CLEC16A: variants seen among roughly 807,000 people sequenced by gnomAD.
The protein encoded by CLEC16A is protein CLEC16A.
A neutral mutation model predicts 109.5 loss-of-function variants in CLEC16A; 51 were observed. That is an observed-to-expected ratio of 0.47 (90% CI 0.37 to 0.59). The LOEUF (loss-of-function observed/expected upper bound fraction) is 0.59, where lower values mean the gene tolerates loss of function less well. Ranked by LOEUF, CLEC16A falls within the 20% of genes least tolerant of loss-of-function variation. The pLI is 0.00. For missense variants in CLEC16A, 1,339 were observed against 1,394.0 expected, an observed-to-expected ratio of 0.96 and a Z score of 0.63; for synonymous variants, 673 against 564.2, an observed-to-expected ratio of 1.19 and a Z score of -2.73.
chr16:11,122,312 A>G (rs1236191721), intron 20 of CLEC16A, among the ~76,000 whole-genome samples: 29 of 152,240 alleles, frequency 1.9e-4, no homozygotes, highest in Admixed American at 1.8e-3. Context: ...TTCATTTAAA[A>G]GAAACACTCC....
At chr16:11,153,418 G>T (rs1405425706) in intron 22 of CLEC16A, among the ~76,000 whole-genome samples, 1 of 151,998 alleles carries the variant, frequency 6.6e-6, no homozygotes, top group Non-Finnish European at 1.5e-5. Flanking sequence ...GTCATGTCCA[G>T]AGTTGTCTTA....
Position 11,060,973 on chromosome 16 carries a change from G to T in CLEC16A, c.2067G>T (p.Pro689=). The change falls in exon 19 of 24, where the codon CCG becomes CCT. Residue 689 remains proline, a synonymous_variant. Coordinates refer to ENST00000409790, the MANE Select transcript of CLEC16A (RefSeq NM_015226.3). The stretch of plus-strand genomic sequence containing the variant: ...GAGGGGAGCCTGAGACACAGTTGCC[G>T]CTGACTCGGGAGGAGGACCTGATCA... ...QLRGEPETQL[P]LTREEDLIKT... 6.2e-7 allele frequency: 1 copy of T among 1,612,032 alleles called. No individual in the cohort carries two copies. The highest frequency in any genetic ancestry group is 8.5e-7 in the Non-Finnish European group (1 of 1,179,304).
intron 10 of CLEC16A, among the ~76,000 whole-genome samples, chr16:10,997,491 C>G (rs745820380): frequency 6.6e-6 from 1 of 152,186 alleles, no homozygotes; most frequent in Non-Finnish European, 1.5e-5. Context: ...CTTGCCTTTT[C>G]AAAGTTTTTT....
At chr16:10,958,247 G>C (rs1028479786) in intron 2 of CLEC16A, among the ~76,000 whole-genome samples, 8 of 152,298 alleles carry the variant, frequency 5.3e-5, no homozygotes, top group Admixed American at 2.0e-4. Flanking sequence ...CTGTGCCCTG[G>C]GGGAGTCCCT....
At chr16:11,035,856 C>T (rs1335422471) in intron 13 of CLEC16A, among the ~76,000 whole-genome samples, 1 of 152,110 alleles carries the variant, frequency 6.6e-6, no homozygotes, top group South Asian at 2.1e-4. Context: ...ATAAGGCCTC[C>T]TTCAAAACAC....
At chr16:10,956,647 T>C (rs1050728901) in intron 1 of CLEC16A, among the ~76,000 whole-genome samples, 1 of 152,160 alleles carries the variant, frequency 6.6e-6, no homozygotes, top group Non-Finnish European at 1.5e-5. Flanking sequence ...CCCGCGCTGC[T>C]CAGGACTGGC....
At chr16:11,088,015 C>CT (rs2050104328) in intron 19 of CLEC16A, among the ~76,000 whole-genome samples, 1 of 152,248 alleles carries the variant, frequency 6.6e-6, no homozygotes, top group African/African-American at 2.4e-5. Context: ...TTTCAGAGCT[C>CT]TTGCTACCTT....
At chr16:11,088,231 C>G (rs1397290836) in intron 19 of CLEC16A, among the ~76,000 whole-genome samples, 1 of 152,250 alleles carries the variant, frequency 6.6e-6, no homozygotes, top group African/African-American at 2.4e-5. Flanking sequence ...TCTGCAGCAG[C>G]TAACAACTTT....
chr16:11,181,284 G>C lies in CLEC16A; in HGVS notation c.*2594G>C, dbSNP rs2068949948. ...GGCCAGTCCAGACAGGACACGCTGG[G>C]CCCCTGGCATCCAGAGGAAGAGCCA... On this transcript the variant is annotated 3_prime_UTR_variant, in exon 24 of 24. Transcript: ENST00000409790. 6.6e-6 allele frequency: 1 copy of C among 152,274 alleles called. No homozygotes were observed. Among genetic ancestry groups the C allele is most frequent in the Non-Finnish European group, 1.5e-5 (1 of 68,136 alleles). 9.4% of individuals were successfully genotyped at this position (152,274 alleles called of 1,614,324 possible). A position where few individuals can be genotyped will look rare whatever the true frequency, so the allele number is the denominator to read the frequency against.
At chr16:10,986,731 ATGTGTGTG>A (rs59931468) in intron 10 of CLEC16A, among the ~76,000 whole-genome samples, 142 of 150,232 alleles carry the variant, frequency 9.5e-4, no homozygotes, top group South Asian at 7.3e-3. Context: ...TTAAGGCTCA[ATGTGTGTG>A]TGTGTGTGTG....
At chr16:11,095,979 C>G (rs2050589736) in intron 19 of CLEC16A, among the ~76,000 whole-genome samples, 1 of 152,166 alleles carries the variant, frequency 6.6e-6, no homozygotes. Flanking sequence ...TGCACACCAT[C>G]ACACCCAGCC....
intron 18 of CLEC16A, among the ~76,000 whole-genome samples, chr16:11,054,490 G>A (rs556039222): frequency 1.3e-5 from 2 of 152,306 alleles, no homozygotes; most frequent in South Asian, 4.1e-4. Context: ...CAACCCGAGT[G>A]GCTGGCTGAA....
chr16:11,100,983 A>G (rs2050882189), intron 19 of CLEC16A, among the ~76,000 whole-genome samples: 2 of 152,064 alleles, frequency 1.3e-5, no homozygotes, highest in African/African-American at 2.4e-5. Flanking sequence ...CCAGACCTTC[A>G]TTTTCAGCCC....
At chr16:11,015,661 T>C (rs902084905) in intron 11 of CLEC16A, among the ~76,000 whole-genome samples, 1 of 152,218 alleles carries the variant, frequency 6.6e-6, no homozygotes. Flanking sequence ...TTGGATGAGC[T>C]TGGTGCTGAA....
At chr16:10,972,808 A>T in intron 6 of CLEC16A, 130 bp from the exon 7 acceptor site, 1 of 1,005,088 alleles carries the variant, frequency 9.9e-7, no homozygotes, top group Non-Finnish European at 1.4e-6. Flanking sequence ...AAAGACAGAC[A>T]ATTTCAGATT....
chr16:11,120,782 G>A lies in CLEC16A; in HGVS notation c.2268+16G>A. 6.6e-7 allele frequency: 1 copy of A among 1,505,668 alleles called. No individual in the cohort carries two copies. Among genetic ancestry groups the A allele is most frequent in the Non-Finnish European group, 8.9e-7 (1 of 1,119,402 alleles). The allele number at this position is 1,505,668 out of a possible 1,614,324, so 93.3% of individuals were successfully genotyped here. A position where few individuals can be genotyped will look rare whatever the true frequency, so the allele number is the denominator to read the frequency against. On this transcript the variant is annotated intron_variant, in intron 20 of 23. Transcript: ENST00000409790. ...CCTATTGCAGGTAAGATGGCCAGGAGCTCTGGGATCTGTTCTCAGTTGGCT... is the reference window on the plus strand; with the variant it reads ...CCTATTGCAGGTAAGATGGCCAGGAACTCTGGGATCTGTTCTCAGTTGGCT...
intron 19 of CLEC16A, among the ~76,000 whole-genome samples, chr16:11,104,116 G>T (rs1252113714): frequency 6.6e-6 from 1 of 151,958 alleles, no homozygotes; most frequent in East Asian, 1.9e-4. Flanking sequence ...TTTGTTTTGG[G>T]GGGTTTTTTT....
At chr16:11,046,082 A>T (rs982622974) in intron 16 of CLEC16A, among the ~76,000 whole-genome samples, 1 of 152,146 alleles carries the variant, frequency 6.6e-6, no homozygotes, top group Non-Finnish European at 1.5e-5. Context: ...GCCCACGAGA[A>T]AGCAGAAACC....
chr16:11,102,747 A>T (rs979421800), intron 19 of CLEC16A, among the ~76,000 whole-genome samples: 1 of 152,078 alleles, frequency 6.6e-6, no homozygotes, highest in African/African-American at 2.4e-5. Context: ...TCCCCACCAA[A>T]TCCTGCTGGT....
Sources: gnomAD v4.1 joint callset for allele counts (sites outside exome capture counted in the v4.1 genomes callset) on GRCh38, gnomAD v4.1.1 for gene constraint, MANE v1.5 for transcripts, NCBI Gene and HGNC (gene_info 2026-07-23, HGNC 2026-07-21) for gene names.